FARP2: variants seen among roughly 807,000 people sequenced by gnomAD.
FARP2 encodes the protein FERM, ARHGEF and pleckstrin domain-containing protein 2.
Under a neutral mutation model 130.5 loss-of-function variants are expected in FARP2, and 111 were observed. The ratio of observed to expected loss-of-function variants is 0.85; its 90% CI spans 0.73 to 1.00. The LOEUF is 1.00. Among genes scored for constraint, FARP2 ranks in the 50% least tolerant of loss-of-function variants. The pLI, the probability that FARP2 is intolerant of heterozygous loss-of-function variation, is 0.00. For synonymous variants in FARP2, 504 were observed against 516.9 expected (o/e 0.98, Z 0.34); for missense variants, 1,385 against 1,346.3 (o/e 1.03, Z -0.45).
intron 9 of FARP2, among the ~76,000 whole-genome samples, chr2:241,433,849 A>G (rs938037442): frequency 6.6e-5 from 10 of 152,150 alleles, no homozygotes; most frequent in African/African-American, 2.4e-4. Context: ...AACATGGCAA[A>G]ACCCTTTTTC....
At chr2:241,385,706 C>G (rs2061767627) in intron 2 of FARP2, among the ~76,000 whole-genome samples, 1 of 152,006 alleles carries the variant, frequency 6.6e-6, no homozygotes, top group Non-Finnish European at 1.5e-5. Flanking sequence ...GGTGACAGAG[C>G]CAGACCTTGT....
At chr2:241,424,049 C>G (rs142452575) in intron 8 of FARP2, among the ~76,000 whole-genome samples, 155 of 152,124 alleles carry the variant, frequency 1.0e-3, no homozygotes, top group Non-Finnish European at 1.6e-3. Flanking sequence ...GACAGATCAT[C>G]AAGACAGAAA....
At chr2:241,438,857 C>T (rs1050388471) in intron 12 of FARP2, among the ~76,000 whole-genome samples, 2 of 151,938 alleles carry the variant, frequency 1.3e-5, no homozygotes, top group Non-Finnish European at 2.9e-5. Context: ...GTCTCAATCT[C>T]CTGACCCCAT....
At position 241,465,567 on chromosome 2, in the gene FARP2, C is replaced by T. The variant is rs1359331462; in HGVS notation, c.1893+1587C>T. The T allele has an allele frequency of 1.9e-5, 29 of 1,550,444 alleles. No individual in the cohort carries two copies. In the East Asian group the frequency reaches 6.8e-4, roughly 37 times the overall value. On this transcript the variant is annotated intron_variant, in intron 17 of 26. Transcript: ENST00000264042. ...AAGTGAGATTTCTCTTCAATAGGAG[C>T]AACGGTACAGGTGTTCACATGTGGA...
chr2:241,417,584 A>G (rs945404180), intron 7 of FARP2, among the ~76,000 whole-genome samples: 9 of 152,064 alleles, frequency 5.9e-5, no homozygotes, highest in African/African-American at 1.7e-4. Context: ...CTGCCTCCCA[A>G]GGTGCTGGGA....
At chr2:241,402,127 G>A (rs940736487) in intron 2 of FARP2, among the ~76,000 whole-genome samples, 1 of 152,170 alleles carries the variant, frequency 6.6e-6, no homozygotes, top group Non-Finnish European at 1.5e-5. Context: ...TCCTTAACAT[G>A]TTTAGGTCTG....
At position 241,494,700 on chromosome 2, in the gene FARP2, C is replaced by T. The variant is rs892873331; in HGVS notation, c.*575C>T. On this transcript the variant is annotated 3_prime_UTR_variant, in exon 27 of 27. Coordinates refer to ENST00000264042, the MANE Select transcript of FARP2 (RefSeq NM_014808.4). The surrounding 1 kb of genome is among the most constrained non-coding windows in gnomAD (Gnocchi z 4.9). ...TGTTCCCCATGTACCTCTAGAGAAGCAGAAACCAAAGTCCCCCTGTGCCCT... is the reference window on the plus strand; with the variant it reads ...TGTTCCCCATGTACCTCTAGAGAAGTAGAAACCAAAGTCCCCCTGTGCCCT... 6.6e-6 allele frequency: 1 copy of T among 152,226 alleles called. No individual in the cohort carries two copies. Among genetic ancestry groups the T allele is most frequent in the African/African-American group, 2.4e-5 (1 of 41,444 alleles). 9.4% of individuals were successfully genotyped at this position (152,226 alleles called of 1,614,324 possible). A position where few individuals can be genotyped will look rare whatever the true frequency, so the allele number is the denominator to read the frequency against.
chr2:241,453,769 G>GTTTTTTTTTTT lies in FARP2; in HGVS notation c.1412-2956_1412-2946dup, dbSNP rs1180224982. ...TGTTTACTGGGAGTGGCACTTACTGGTTTTTTTTTTTTTTTTTTTTTTTTT... is the reference window on the plus strand; with the variant it reads ...TGTTTACTGGGAGTGGCACTTACTGGTTTTTTTTTTTTTTTTTTTTTTTTTTTTTTTTTTTT... On this transcript the variant is annotated intron_variant, in intron 13 of 26. Transcript: ENST00000264042. Among the ~76,000 whole-genome samples, 5 of 54,054 alleles carry GTTTTTTTTTTT rather than the reference G, an allele frequency of 9.3e-5. No homozygotes were observed. The East Asian group carries it at 2.0e-3, about 21-fold the overall frequency. The allele number at this position is 54,054 out of a possible 152,430, so 35.5% of individuals were successfully genotyped here.
chr2:241,408,563 A>T (rs902008656), intron 5 of FARP2, among the ~76,000 whole-genome samples: 1 of 151,312 alleles, frequency 6.6e-6, no homozygotes, highest in Admixed American at 6.6e-5. Context: ...AAAAGAAAAT[A>T]TTAACAATTG....
chr2:241,359,542 C>G (rs1202904856), intron 1 of FARP2, among the ~76,000 whole-genome samples: 1 of 152,188 alleles, frequency 6.6e-6, no homozygotes, highest in African/African-American at 2.4e-5. Flanking sequence ...CCTGCAGTTT[C>G]TATGTAGTCC....
At chr2:241,483,839 A>C (rs545552396) in intron 20 of FARP2, 3 of 985,486 alleles carry the variant, frequency 3.0e-6, no homozygotes, top group Non-Finnish European at 3.6e-6. Context: ...TGTGGCTGCA[A>C]GAAGGTGCTA....
chr2:241,463,216 T>C, intron 15 of FARP2, 119 bp from the exon 16 acceptor site: 1 of 1,048,160 alleles, frequency 9.5e-7, no homozygotes. Flanking sequence ...TGAACCCTCT[T>C]TGTAGGCGGT....
At chr2:241,485,748 C>T (rs926522888) in intron 21 of FARP2, among the ~76,000 whole-genome samples, 1 of 148,946 alleles carries the variant, frequency 6.7e-6, no homozygotes, top group African/African-American at 2.5e-5. Flanking sequence ...CTCCTTTGCT[C>T]CCTGTGGTCC....
intron 1 of FARP2, among the ~76,000 whole-genome samples, chr2:241,370,494 A>G (rs927443745): frequency 2.6e-5 from 4 of 152,170 alleles, no homozygotes; most frequent in African/African-American, 9.7e-5. Flanking sequence ...TAGTGTAGAC[A>G]TATTTCAGGG....
chr2:241,458,211 TG>T (rs1309668836), intron 14 of FARP2, among the ~76,000 whole-genome samples: 1 of 152,046 alleles, frequency 6.6e-6, no homozygotes, highest in African/African-American at 2.4e-5. Context: ...ATATTGGGCC[TG>T]GAGTCCACAG....
intron 1 of FARP2, among the ~76,000 whole-genome samples, chr2:241,372,332 A>G (rs577777710): frequency 5.3e-5 from 8 of 152,144 alleles, no homozygotes; most frequent in Non-Finnish European, 8.8e-5. Flanking sequence ...GCTACCAGGC[A>G]TGTGGTCCTT....
intron 17 of FARP2, chr2:241,466,210 C>T: frequency 1.0e-6 from 1 of 985,438 alleles, no homozygotes; most frequent in Non-Finnish European, 1.2e-6. Context: ...TCAGTTTTCC[C>T]CCAGAGCCCG....
At chr2:241,465,863 G>A in intron 17 of FARP2, 2 of 1,501,038 alleles carry the variant, frequency 1.3e-6, no homozygotes, top group South Asian at 1.3e-5. Context: ...TATAGGTTTT[G>A]CTGTTCTGTG....
chr2:241,391,851 C>T (rs562713772), intron 2 of FARP2, among the ~76,000 whole-genome samples: 3 of 152,188 alleles, frequency 2.0e-5, no homozygotes, highest in Admixed American at 6.5e-5. Flanking sequence ...ACCATTGAAT[C>T]GTTCAAGGGC....
Sources: allele counts gnomAD v4.1 joint callset (sites outside exome capture counted in the v4.1 genomes callset), GRCh38; gene constraint gnomAD v4.1.1; non-coding constraint Gnocchi (gnomAD v3.1); transcripts MANE v1.5; gene names NCBI Gene and HGNC (gene_info 2026-07-23, HGNC 2026-07-21).